GRM8: variants seen among roughly 807,000 people sequenced by gnomAD.
GRM8 encodes glutamate metabotropic receptor 8.
In GRM8, 47 loss-of-function variants were observed where a neutral mutation model predicts 87.2. The observed-to-expected ratio is 0.54, with a 90% confidence interval of 0.43 to 0.69. GRM8 has a LOEUF of 0.69. GRM8 is among the 30% of genes least tolerant of loss of function. The pLI is 0.00. For synonymous variants in GRM8, 396 were observed against 404.5 expected, an observed-to-expected ratio of 0.98 and a Z score of 0.25; for missense variants, 1,019 against 1,139.2, an observed-to-expected ratio of 0.89 and a Z score of 1.52.
chr7:127,064,749 A>G (rs1304955401), intron 3 of GRM8, among the ~76,000 whole-genome samples: 3 of 152,244 alleles, frequency 2.0e-5, no homozygotes, highest in African/African-American at 7.2e-5. Flanking sequence ...AAATGTGGCC[A>G]ACAAGGATAT....
intron 6 of GRM8, among the ~76,000 whole-genome samples, chr7:126,885,331 A>G (rs916379753): frequency 1.3e-5 from 2 of 152,144 alleles, no homozygotes; most frequent in Non-Finnish European, 1.5e-5. Context: ...TCAAGGTAGA[A>G]CTGTCTCAAC....
At chr7:126,549,137 T>A (rs1341529058) in intron 8 of GRM8, among the ~76,000 whole-genome samples, 2 of 151,922 alleles carry the variant, frequency 1.3e-5, no homozygotes, top group Admixed American at 6.6e-5. Context: ...ACATGGAAAA[T>A]ATAATGGAAA....
At chr7:127,089,704 C>T (rs17866952) in intron 3 of GRM8, among the ~76,000 whole-genome samples, 2,813 of 152,294 alleles carry the variant, frequency 0.018, 95 homozygotes, top group African/African-American at 0.063. Flanking sequence ...CTGTCTGAGA[C>T]AGTAAAACAA....
chr7:126,732,583 T>C (rs969725944), intron 7 of GRM8, among the ~76,000 whole-genome samples: 4 of 152,142 alleles, frequency 2.6e-5, no homozygotes, highest in African/African-American at 9.7e-5. Context: ...ATATGGCGTA[T>C]AGAGAGCTTT....
intron 3 of GRM8, among the ~76,000 whole-genome samples, chr7:127,047,751 A>C (rs1172385907): frequency 1.3e-5 from 2 of 152,176 alleles, no homozygotes; most frequent in African/African-American, 2.4e-5. Context: ...GAATCACATG[A>C]GAACCAGAGG....
intron 7 of GRM8, among the ~76,000 whole-genome samples, chr7:126,638,284 A>C (rs900805534): frequency 6.6e-6 from 1 of 152,192 alleles, no homozygotes; most frequent in Non-Finnish European, 1.5e-5. Flanking sequence ...CCACAAAAAG[A>C]AGGGGAGCAT....
At position 126,953,654 on chromosome 7, in the gene GRM8, G is replaced by A. The variant is rs17865260; in HGVS notation, c.728-48971C>T. 6.2e-3 allele frequency among the ~76,000 whole-genome samples: 941 copies of A among 152,058 alleles called. 10 individuals are homozygous for A. Among genetic ancestry groups the A allele is most frequent in the African/African-American group, 0.021 (884 of 41,476 alleles). ...CTCTCCTGTTTAACCATGTGTGTCA[G>A]AAGGAGAGCTATCAAAAGGAAGCTA... is the stretch of plus-strand genomic sequence containing the variant. On this transcript the variant is annotated intron_variant, in intron 3 of 10. Coordinates refer to ENST00000339582, the MANE Select transcript of GRM8 (RefSeq NM_000845.3).
chr7:127,171,792 T>A (rs1033699233), intron 2 of GRM8, among the ~76,000 whole-genome samples: 2 of 152,224 alleles, frequency 1.3e-5, no homozygotes, highest in African/African-American at 4.8e-5. Context: ...ACCCACAACA[T>A]CCCCAAGGTA....
chr7:126,704,645 C>G (rs1340707767), intron 7 of GRM8, among the ~76,000 whole-genome samples: 1 of 152,078 alleles, frequency 6.6e-6, no homozygotes, highest in Non-Finnish European at 1.5e-5. Flanking sequence ...GAGGATAGGT[C>G]TCTGAAATGG....
chr7:126,887,642 G>A (rs1023040929), intron 6 of GRM8, among the ~76,000 whole-genome samples: 15 of 151,984 alleles, frequency 9.9e-5, no homozygotes, highest in African/African-American at 3.1e-4. Flanking sequence ...CCTCCCCCTC[G>A]CAATACACAC....
chr7:126,623,941 C>T (rs986928405), intron 7 of GRM8, among the ~76,000 whole-genome samples: 6 of 152,046 alleles, frequency 3.9e-5, no homozygotes, highest in African/African-American at 1.4e-4. Context: ...AGAACCTGTC[C>T]CCACCCCCTG....
At chr7:127,099,088 C>A (rs967239310) in intron 3 of GRM8, among the ~76,000 whole-genome samples, 3 of 152,164 alleles carry the variant, frequency 2.0e-5, no homozygotes, top group African/African-American at 4.8e-5. Flanking sequence ...GGGAAGGAAC[C>A]TGTCTAAAGA....
intron 2 of GRM8, among the ~76,000 whole-genome samples, chr7:127,179,528 C>G (rs907278212): frequency 6.6e-6 from 1 of 152,090 alleles, no homozygotes; most frequent in Non-Finnish European, 1.5e-5. Context: ...ACGTTTCATC[C>G]AACAACCGCA....
At chr7:126,915,514 T>C (rs146009600) in intron 3 of GRM8, among the ~76,000 whole-genome samples, 2,106 of 152,252 alleles carry the variant, frequency 0.014, 45 homozygotes, top group African/African-American at 0.048. Context: ...TCAAGGGGGA[T>C]ATAGAGTCGG....
At chr7:126,528,922 C>G (rs1228026000) in intron 9 of GRM8, among the ~76,000 whole-genome samples, 1 of 152,130 alleles carries the variant, frequency 6.6e-6, no homozygotes, top group East Asian at 1.9e-4. Flanking sequence ...ACTGGCACAC[C>G]TGTGTACCCC....
At chr7:127,004,617 G>A (rs546039288) in intron 3 of GRM8, among the ~76,000 whole-genome samples, 3 of 151,664 alleles carry the variant, frequency 2.0e-5, no homozygotes, top group African/African-American at 7.2e-5. Flanking sequence ...GTAAGAAAGT[G>A]CTTTAGTGAA....
rs1040189112 is a variant in GRM8 at position 127,243,324 on chromosome 7, C to G, written c.-120G>C. The G allele has an allele frequency of 2.4e-6, 2 of 842,276 alleles. No individual in the cohort carries two copies. Among genetic ancestry groups the G allele is most frequent in the African/African-American group, 3.4e-5 (2 of 58,958 alleles). 52.2% of individuals were successfully genotyped at this position (842,276 alleles called of 1,614,324 possible). On this transcript the variant is annotated 5_prime_UTR_variant, in exon 2 of 11. Coordinates refer to ENST00000339582, the MANE Select transcript of GRM8 (RefSeq NM_000845.3). ...CATCAGGGCCCATGGGGAAAAGGCT[C>G]TGTGGGCATTAGCAAGTTTTCTTGA...
chr7:126,809,943 C>T (rs1029457372), intron 6 of GRM8, among the ~76,000 whole-genome samples: 18 of 152,154 alleles, frequency 1.2e-4, no homozygotes, highest in African/African-American at 4.1e-4. Context: ...CACAGGACAA[C>T]AAAGCCTGTA....
At chr7:126,488,819 A>T (rs1270361161) in intron 9 of GRM8, among the ~76,000 whole-genome samples, 1 of 151,998 alleles carries the variant, frequency 6.6e-6, no homozygotes, top group Non-Finnish European at 1.5e-5. Flanking sequence ...TATGCATATG[A>T]TAATGATGAT....
Sources: allele counts gnomAD v4.1 joint callset (sites outside exome capture counted in the v4.1 genomes callset), GRCh38; gene constraint gnomAD v4.1.1; transcripts MANE v1.5; gene names NCBI Gene and HGNC (gene_info 2026-07-23, HGNC 2026-07-21).